The following HS6ST3 variants were observed in gnomAD, a reference collection of about 807,000 sequenced individuals.
The protein encoded by HS6ST3 is heparan-sulfate 6-O-sulfotransferase 3.
In HS6ST3, 12 loss-of-function variants were observed where a neutral mutation model predicts 36.7. The observed-to-expected ratio is 0.33, with a 90% CI of 0.21 to 0.53. HS6ST3 has a LOEUF of 0.53. Ranked by LOEUF, HS6ST3 falls within the 20% of genes least tolerant of loss-of-function variation. The probability of loss-of-function intolerance (pLI) is 0.95; values close to 1 mark genes in which losing one functional copy is unlikely to be tolerated. For synonymous variants in HS6ST3, 240 were observed against 257.5 expected (o/e 0.93, Z 0.65); for missense variants, 584 against 640.9 (o/e 0.91, Z 0.96).
chr13:96,779,264 C>A (rs1471488694), intron 1 of HS6ST3, among the ~76,000 whole-genome samples: 1 of 151,540 alleles, frequency 6.6e-6, no homozygotes, highest in Non-Finnish European at 1.5e-5. Flanking sequence ...CACATGTATA[C>A]CTATGTAACA....
chr13:96,672,240 A>G (rs990642172), intron 1 of HS6ST3, among the ~76,000 whole-genome samples: 6 of 152,186 alleles, frequency 3.9e-5, no homozygotes, highest in African/African-American at 7.2e-5. Flanking sequence ...TGTTTACTTT[A>G]TTATGACTAT....
chr13:96,358,998 A>G (rs1278516284), intron 1 of HS6ST3, among the ~76,000 whole-genome samples: 1 of 152,064 alleles, frequency 6.6e-6, no homozygotes, highest in African/African-American at 2.4e-5. Context: ...ATTTACTGTA[A>G]TATTCTCTGG....
At chr13:96,131,031 G>A (rs191701793) in intron 1 of HS6ST3, among the ~76,000 whole-genome samples, 1 of 152,222 alleles carries the variant, frequency 6.6e-6, no homozygotes, top group East Asian at 1.9e-4. Flanking sequence ...GAGGGCCAGG[G>A]GGTGTCAGGG....
chr13:96,149,159 A>G (rs816109), intron 1 of HS6ST3, among the ~76,000 whole-genome samples: 122,745 of 152,064 alleles, frequency 0.81, 50,087 homozygotes, highest in East Asian at 0.91. Flanking sequence ...ACAGGTCTTG[A>G]TAACTTTCAC....
intron 1 of HS6ST3, among the ~76,000 whole-genome samples, chr13:96,350,189 A>G (rs2055174936): frequency 6.6e-6 from 1 of 152,266 alleles, no homozygotes; most frequent in Non-Finnish European, 1.5e-5. Flanking sequence ...TACTGAAATT[A>G]GTATTGAAAT....
intron 1 of HS6ST3, among the ~76,000 whole-genome samples, chr13:96,428,426 G>A (rs758863776): frequency 1.9e-4 from 29 of 152,280 alleles, no homozygotes; most frequent in Admixed American, 3.3e-4. Context: ...GGAGACTGGA[G>A]GTCTGAAATC....
At chr13:96,382,344 T>C (rs1594767763) in intron 1 of HS6ST3, among the ~76,000 whole-genome samples, 1 of 152,202 alleles carries the variant, frequency 6.6e-6, no homozygotes, top group Admixed American at 6.5e-5. Context: ...CTAAAAACAA[T>C]ATGGCTTTAA....
chr13:96,640,768 C>T (rs1238162111), intron 1 of HS6ST3, among the ~76,000 whole-genome samples: 5 of 151,966 alleles, frequency 3.3e-5, no homozygotes, highest in African/African-American at 4.8e-5. Context: ...TTTATTCTTC[C>T]GCATATAGCT....
chr13:96,243,636 G>A (rs1218815199), intron 1 of HS6ST3, among the ~76,000 whole-genome samples: 2 of 152,190 alleles, frequency 1.3e-5, no homozygotes, highest in African/African-American at 2.4e-5. Flanking sequence ...CTGGGGGTGG[G>A]ACTGAGGTGG....
At chr13:96,092,044 T>A (rs190423910) in intron 1 of HS6ST3, among the ~76,000 whole-genome samples, 1 of 152,214 alleles carries the variant, frequency 6.6e-6, no homozygotes, top group East Asian at 1.9e-4. Flanking sequence ...ACGAGTATAA[T>A]CCCTCCCTAA....
chr13:96,594,092 C>A (rs190590737), intron 1 of HS6ST3, among the ~76,000 whole-genome samples: 1 of 152,048 alleles, frequency 6.6e-6, no homozygotes, highest in African/African-American at 2.4e-5. Context: ...CCTGCCTCAG[C>A]CTCCTGAGTA....
At chr13:96,357,824 G>T (rs2055217591) in intron 1 of HS6ST3, among the ~76,000 whole-genome samples, 1 of 152,174 alleles carries the variant, frequency 6.6e-6, no homozygotes, top group South Asian at 2.1e-4. Flanking sequence ...AGCTGGCCAA[G>T]TTCACCATCT....
chr13:96,441,316 G>A (rs1249173414), intron 1 of HS6ST3, among the ~76,000 whole-genome samples: 3 of 151,710 alleles, frequency 2.0e-5, no homozygotes, highest in Non-Finnish European at 2.9e-5. Flanking sequence ...GTAGGGGACT[G>A]GGGAGCATCA....
chr13:96,449,447 A>G (rs2055716242), intron 1 of HS6ST3, among the ~76,000 whole-genome samples: 1 of 152,164 alleles, frequency 6.6e-6, no homozygotes, highest in Non-Finnish European at 1.5e-5. Context: ...GCAGAGTTCT[A>G]TAAGGGAGGA....
At chr13:96,104,619 C>G (rs1465203233) in intron 1 of HS6ST3, among the ~76,000 whole-genome samples, 2 of 152,204 alleles carry the variant, frequency 1.3e-5, no homozygotes, top group African/African-American at 4.8e-5. Flanking sequence ...TGGGCTCTTG[C>G]AATATAGTCC....
intron 1 of HS6ST3, among the ~76,000 whole-genome samples, chr13:96,652,280 A>G (rs2056610103): frequency 6.6e-6 from 1 of 152,190 alleles, no homozygotes; most frequent in Middle Eastern, 3.4e-3. Context: ...GTATACATAC[A>G]CACATATGAA....
intron 1 of HS6ST3, among the ~76,000 whole-genome samples, chr13:96,831,008 T>C (rs189910960): frequency 6.6e-6 from 1 of 152,338 alleles, no homozygotes; most frequent in African/African-American, 2.4e-5. Context: ...ACTTCCAGAC[T>C]CTGCTGGAAA....
intron 1 of HS6ST3, among the ~76,000 whole-genome samples, chr13:96,671,853 G>C (rs1239073348): frequency 2.6e-5 from 4 of 152,064 alleles, no homozygotes; most frequent in Non-Finnish European, 5.9e-5. Flanking sequence ...AGTTTTGGAA[G>C]GGCATGATTC....
chr13:96,314,140 T>G (rs2054956087), intron 1 of HS6ST3, among the ~76,000 whole-genome samples: 1 of 152,114 alleles, frequency 6.6e-6, no homozygotes, highest in South Asian at 2.1e-4. Context: ...GGCGGAGGTC[T>G]CAGTGAGTCA....
Sources: allele counts gnomAD v4.1 joint callset (sites outside exome capture counted in the v4.1 genomes callset), GRCh38; gene constraint gnomAD v4.1.1; transcripts MANE v1.5; gene names NCBI Gene and HGNC (gene_info 2026-07-23, HGNC 2026-07-21).